The following AP2A2 variants were observed in gnomAD, a reference collection of about 807,000 sequenced individuals.
AP2A2 encodes adaptor related protein complex 2 subunit alpha 2, also known as AP-2 complex subunit alpha-2.
A neutral mutation model predicts 104.2 loss-of-function variants in AP2A2; 32 were observed. The observed-to-expected ratio is 0.31, with a 90% CI of 0.23 to 0.41. The LOEUF is 0.41. AP2A2 is among the 10% of genes least tolerant of loss of function. The pLI is 1.00. For missense variants in AP2A2, 912 were observed against 1,261.0 expected, an observed-to-expected ratio of 0.72 and a Z score of 4.19; for synonymous variants, 539 against 533.3, an observed-to-expected ratio of 1.01 and a Z score of -0.15.
intron 2 of AP2A2, among the ~76,000 whole-genome samples, chr11:961,980 C>T (rs1854457152): frequency 1.3e-5 from 2 of 151,334 alleles, no homozygotes; most frequent in Non-Finnish European, 3.0e-5. Flanking sequence ...CTGACAGTCG[C>T]CACCACTAGT....
Position 993,614 on chromosome 11 carries a change from G to C in AP2A2, c.1551-140G>C, listed in dbSNP as rs1855738146. Reference sequence around the variant, plus strand: ...AGTGAAAGGGGCGTCTTTGCGGTGGGATCTGGAGCTGGAAGAGGGTCCCGA... The same window carrying C: ...AGTGAAAGGGGCGTCTTTGCGGTGGCATCTGGAGCTGGAAGAGGGTCCCGA... On this transcript the variant is annotated intron_variant, in intron 12 of 21. Transcript: ENST00000448903. This position sits in a 1 kb window ranked among gnomAD's most constrained non-coding sequence, Gnocchi z 8.2. 4 of 682,144 alleles carry C rather than the reference G, an allele frequency of 5.9e-6. No individual in the cohort carries two copies. In the Admixed American group the frequency reaches 8.4e-5, roughly 14 times the overall value. 42.3% of individuals were successfully genotyped at this position (682,144 alleles called of 1,614,324 possible). A position where few individuals can be genotyped will look rare whatever the true frequency, so the allele number is the denominator to read the frequency against.
intron 1 of AP2A2, among the ~76,000 whole-genome samples, chr11:940,471 G>T (rs188035903): frequency 6.7e-6 from 1 of 148,546 alleles, no homozygotes; most frequent in African/African-American, 2.5e-5. Context: ...TGCCTTTCGC[G>T]TTCTGTTTCC....
chr11:988,501 C>CA (rs1456825127), intron 9 of AP2A2, 51 bp from the exon 10 acceptor site: 7 of 1,590,328 alleles, frequency 4.4e-6, no homozygotes. Flanking sequence ...AGCCTGTCCC[C>CA]AAGCTTGTGC....
Position 1,011,341 on chromosome 11 carries a change from A to G in AP2A2, c.*716A>G, listed in dbSNP as rs1048997833. 1.9e-6 allele frequency: 1 copy of G among 518,440 alleles called. No individual in the cohort carries two copies. Among genetic ancestry groups the G allele is most frequent in the African/African-American group, 1.9e-5 (1 of 51,920 alleles). 32.1% of individuals were successfully genotyped at this position (518,440 alleles called of 1,614,324 possible). On this transcript the variant is annotated 3_prime_UTR_variant, in exon 22 of 22. Transcript: ENST00000448903. Reference sequence around the variant, plus strand: ...GTCCTGCCGGCCCCGCAGGGCCCCCAGGACTCCAGGGTAAAGTGTGGGCCG... The same window carrying G: ...GTCCTGCCGGCCCCGCAGGGCCCCCGGGACTCCAGGGTAAAGTGTGGGCCG...
intron 6 of AP2A2, among the ~76,000 whole-genome samples, chr11:984,182 A>G (rs1465099599): frequency 6.6e-6 from 1 of 152,122 alleles, no homozygotes; most frequent in African/African-American, 2.4e-5. Context: ...TTGGACACAG[A>G]GATGGGATGT....
chr11:995,007 G>A (rs577348001), intron 14 of AP2A2, among the ~76,000 whole-genome samples: 2 of 151,864 alleles, frequency 1.3e-5, no homozygotes, highest in South Asian at 2.1e-4. Context: ...GGCCTGTCCC[G>A]GGGGCCACTG....
intron 6 of AP2A2, among the ~76,000 whole-genome samples, chr11:981,550 C>T (rs937781289): frequency 4.6e-5 from 7 of 152,212 alleles, no homozygotes; most frequent in South Asian, 2.1e-4. Flanking sequence ...GGCCCCGTGT[C>T]CCCCACTGGG....
chr11:1,008,463 A>C, intron 18 of AP2A2: 2 of 297,900 alleles, frequency 6.7e-6, no homozygotes, highest in East Asian at 6.7e-5. Context: ...GTACCAGACG[A>C]CAGCTGTGGG....
intron 14 of AP2A2, among the ~76,000 whole-genome samples, chr11:995,006 C>T (rs1380805278): frequency 2.0e-5 from 3 of 151,020 alleles, no homozygotes; most frequent in Non-Finnish European, 3.0e-5. Context: ...TGGCCTGTCC[C>T]GGGGGCCACT....
chr11:962,931 T>C (rs1208065160), intron 2 of AP2A2, among the ~76,000 whole-genome samples: 2 of 152,100 alleles, frequency 1.3e-5, no homozygotes, highest in Non-Finnish European at 2.9e-5. Context: ...GTAAGAAATG[T>C]GCTGCCTGAG....
In AP2A2 at chr11:992,824, T is replaced by G; in HGVS notation, c.1452+139T>G. The G allele has an allele frequency of 1.2e-6, 1 of 852,392 alleles. No individual in the cohort carries two copies. The highest frequency in any genetic ancestry group is 1.9e-6 in the Non-Finnish European group (1 of 533,790). The allele number at this position is 852,392 out of a possible 1,614,324, so 52.8% of individuals were successfully genotyped here. Reference sequence around the variant, plus strand: ...TTGCCCCTCAGCTCTTCCCTGAGGCTCTAGCTCCTCCACTGTTGGTGCCCC... The same window carrying G: ...TTGCCCCTCAGCTCTTCCCTGAGGCGCTAGCTCCTCCACTGTTGGTGCCCC... On this transcript the variant is annotated intron_variant, in intron 11 of 21. Transcript: ENST00000448903. The surrounding 1 kb of genome is among the most constrained non-coding windows in gnomAD (Gnocchi z 6.4).
At chr11:963,896 G>C (rs901537659) in intron 2 of AP2A2, among the ~76,000 whole-genome samples, 2 of 152,238 alleles carry the variant, frequency 1.3e-5, no homozygotes, top group African/African-American at 4.8e-5. Flanking sequence ...AAAGTGCTGG[G>C]ATTATAGGCA....
rs868520314 is a variant in AP2A2 at position 926,169 on chromosome 11, C to A, written c.67+81C>A. The A allele has an allele frequency of 1.1e-4, 109 of 1,018,852 alleles. 1 individual carries two copies. In the Middle Eastern group the frequency reaches 3.6e-3, roughly 34 times the overall value. 63.1% of individuals were successfully genotyped at this position (1,018,852 alleles called of 1,614,324 possible). A position where few individuals can be genotyped will look rare whatever the true frequency, so the allele number is the denominator to read the frequency against. Reference sequence around the variant, plus strand: ...CTGGGAGCGGAGGCCCGGGGCGGGGCCTCGAGGCGGGGGTGCAGGCTGGGA... The same window carrying A: ...CTGGGAGCGGAGGCCCGGGGCGGGGACTCGAGGCGGGGGTGCAGGCTGGGA... On this transcript the variant is annotated intron_variant, in intron 1 of 21. Coordinates refer to ENST00000448903, the MANE Select transcript of AP2A2 (RefSeq NM_012305.4).
Position 926,557 on chromosome 11 carries a change from C to T in AP2A2, c.67+469C>T, listed in dbSNP as rs531528191. ...TGATGTCACCTTGGTCTTTCTAGTA[C>T]TGGAGCGTTTAACCCAGCGTTTTCC... On this transcript the variant is annotated intron_variant, in intron 1 of 21. Transcript: ENST00000448903. Among the ~76,000 whole-genome samples, 10 of 152,304 alleles carry T rather than the reference C, an allele frequency of 6.6e-5. No individual in the cohort carries two copies. In the South Asian group the frequency reaches 1.7e-3, roughly 25 times the overall value.
chr11:1,003,949 A>T, intron 16 of AP2A2, 145 bp downstream of exon 16: 1 of 575,434 alleles, frequency 1.7e-6, no homozygotes, highest in East Asian at 3.2e-5. Context: ...CAGCCCAATT[A>T]AAAAATGGGC....
intron 2 of AP2A2, among the ~76,000 whole-genome samples, chr11:965,559 T>C (rs1028219912): frequency 3.9e-5 from 6 of 151,982 alleles, no homozygotes; most frequent in Non-Finnish European, 7.4e-5. Flanking sequence ...TTTAAGGGAG[T>C]CTCCCCTCTG....
chr11:939,365 T>G (rs897193700), intron 1 of AP2A2, among the ~76,000 whole-genome samples: 8 of 152,206 alleles, frequency 5.3e-5, no homozygotes, highest in Non-Finnish European at 7.3e-5. Context: ...TCTTAAAAAT[T>G]TACTTTAAGA....
intron 15 of AP2A2, among the ~76,000 whole-genome samples, chr11:1,003,210 G>T (rs1189756551): frequency 6.6e-6 from 1 of 152,236 alleles, no homozygotes; most frequent in Non-Finnish European, 1.5e-5. Context: ...CGCATGGGGC[G>T]AGAGGAGAGG....
At chr11:940,609 A>C (rs944058204) in intron 1 of AP2A2, 1 of 312,050 alleles carries the variant, frequency 3.2e-6, no homozygotes, top group African/African-American at 2.2e-5. Flanking sequence ...TTTAAGCTGT[A>C]TTTTATCTCG....
Sources: gnomAD v4.1 joint callset for allele counts (sites outside exome capture counted in the v4.1 genomes callset) on GRCh38, gnomAD v4.1.1 for gene constraint, Gnocchi (gnomAD v3.1) non-coding constraint, MANE v1.5 for transcripts, NCBI Gene and HGNC (gene_info 2026-07-23, HGNC 2026-07-21) for gene names.